CTNNA2: variants seen among roughly 807,000 people sequenced by gnomAD.
CTNNA2 encodes the protein catenin alpha 2.
CTNNA2 carries 42 observed loss-of-function variants against 101.0 expected under a neutral mutation model. The ratio of observed to expected loss-of-function variants is 0.42; its 90% CI spans 0.32 to 0.54. CTNNA2 has a LOEUF of 0.54. CTNNA2 is among the 20% of genes least tolerant of loss of function. CTNNA2 has a pLI of 0.14. For missense variants in CTNNA2, 871 were observed against 1,223.1 expected, an observed-to-expected ratio of 0.71 and a Z score of 4.29; for synonymous variants, 450 against 456.4, an observed-to-expected ratio of 0.99 and a Z score of 0.18.
At chr2:79,835,691 T>TTTG (rs1679304278) in intron 3 of CTNNA2, among the ~76,000 whole-genome samples, 1 of 135,334 alleles carries the variant, frequency 7.4e-6, no homozygotes, top group African/African-American at 2.9e-5. Context: ...TTTTTTTTTT[T>TTTG]TTTTTTTTTT....
chr2:80,151,780 G>T (rs375777204), intron 7 of CTNNA2, among the ~76,000 whole-genome samples: 2 of 152,300 alleles, frequency 1.3e-5, no homozygotes, highest in African/African-American at 4.8e-5. Flanking sequence ...AATGTTTCTG[G>T]CAAGGGTTGC....
At chr2:80,255,854 T>C (rs1213230076) in intron 7 of CTNNA2, among the ~76,000 whole-genome samples, 1 of 152,202 alleles carries the variant, frequency 6.6e-6, no homozygotes, top group East Asian at 1.9e-4. Context: ...GCTGTTGCCA[T>C]TGTCTTTTAG....
intron 1 of CTNNA2, among the ~76,000 whole-genome samples, chr2:79,197,394 C>T (rs145432993): frequency 1.7e-3 from 264 of 152,268 alleles, no homozygotes; most frequent in African/African-American, 6.1e-3. Flanking sequence ...GGTTGGACCT[C>T]AATTGGAAAC....
intron 4 of CTNNA2, among the ~76,000 whole-genome samples, chr2:79,858,937 C>T (rs892451): frequency 0.37 from 56,125 of 151,182 alleles, 10,943 homozygotes; most frequent in East Asian, 0.59. Context: ...ACGGGTCGTT[C>T]TTCCATTTTT....
Position 79,689,918 on chromosome 2 carries a change from A to C in CTNNA2, c.102+38260A>C, listed in dbSNP as rs77071665. On this transcript the variant is annotated intron_variant, in intron 2 of 18. Coordinates refer to ENST00000402739, the MANE Select transcript of CTNNA2 (RefSeq NM_001282597.3). ...TGAATTAACATTAATTTGTAGAATA[A>C]AACAGACAAAATGATGAAAATCCAG... Among the ~76,000 whole-genome samples, 68 of 152,164 alleles carry C rather than the reference A, an allele frequency of 4.5e-4. 3 individuals carry two copies. The East Asian group carries it at 0.012, about 28-fold the overall frequency.
chr2:79,842,849 A>G (rs1230629334), intron 3 of CTNNA2, among the ~76,000 whole-genome samples: 2 of 152,148 alleles, frequency 1.3e-5, no homozygotes, highest in Non-Finnish European at 2.9e-5. Context: ...ACATCATAGA[A>G]TTCAAAAGCA....
At chr2:80,121,421 T>G (rs1452842191) in intron 7 of CTNNA2, among the ~76,000 whole-genome samples, 1 of 152,184 alleles carries the variant, frequency 6.6e-6, no homozygotes, top group Non-Finnish European at 1.5e-5. Flanking sequence ...TTGAAAACAG[T>G]GTGGTATCAT....
At chr2:79,985,274 C>T (rs1558701108) in intron 7 of CTNNA2, among the ~76,000 whole-genome samples, 1 of 152,178 alleles carries the variant, frequency 6.6e-6, no homozygotes, top group Admixed American at 6.5e-5. Flanking sequence ...AGAATTCTTT[C>T]GATGGCACTG....
intron 7 of CTNNA2, among the ~76,000 whole-genome samples, chr2:79,949,974 T>C (rs1688768054): frequency 6.6e-6 from 1 of 152,064 alleles, no homozygotes; most frequent in African/African-American, 2.4e-5. Flanking sequence ...TTCCAGAGAG[T>C]AGATTCCTCT....
chr2:80,474,539 C>T (rs140547329), intron 9 of CTNNA2, among the ~76,000 whole-genome samples: 2 of 152,164 alleles, frequency 1.3e-5, no homozygotes, highest in African/African-American at 4.8e-5. Context: ...CCCATTCCAA[C>T]ATAGCTTATA....
chr2:79,687,875 A>G, intron 2 of CTNNA2: 2 of 354,102 alleles, frequency 5.6e-6, no homozygotes, highest in Non-Finnish European at 1.0e-5. Context: ...CCCGGAATAG[A>G]TAAGATATGA....
Position 80,636,860 on chromosome 2 carries a change from TA to T in CTNNA2, c.2575-10724del, listed in dbSNP as rs529609443. Among the ~76,000 whole-genome samples, 5 of 152,306 alleles carry T rather than the reference TA, an allele frequency of 3.3e-5. No homozygotes were observed. The East Asian group carries it at 9.7e-4, about 29-fold the overall frequency. ...TTAGATATTTTAGGTGTCACATTTT[TA>T]CATAAAATTCCTATGTTTTCTTGCA... is the stretch of plus-strand genomic sequence containing the variant. On this transcript the variant is annotated intron_variant, in intron 18 of 18. Coordinates refer to ENST00000402739, the MANE Select transcript of CTNNA2 (RefSeq NM_001282597.3).
chr2:80,245,620 C>A (rs911695781), intron 7 of CTNNA2, among the ~76,000 whole-genome samples: 11 of 151,754 alleles, frequency 7.2e-5, no homozygotes, highest in Admixed American at 2.0e-4. Flanking sequence ...ACATTCCTGC[C>A]CCTTCTCTAA....
chr2:79,640,033 C>T (rs922327515), intron 1 of CTNNA2, among the ~76,000 whole-genome samples: 3 of 151,916 alleles, frequency 2.0e-5, no homozygotes, highest in Non-Finnish European at 2.9e-5. Flanking sequence ...TTTTGAGTAA[C>T]GCCCAACACT....
chr2:80,299,431 C>T (rs1238340418), intron 7 of CTNNA2: 1 of 152,092 alleles, frequency 6.6e-6, no homozygotes, highest in African/African-American at 2.4e-5. Context: ...GCTAAATTCC[C>T]GTTTGTGTAG....
chr2:79,604,945 A>T (rs572518159), intron 1 of CTNNA2, among the ~76,000 whole-genome samples: 1 of 152,344 alleles, frequency 6.6e-6, no homozygotes, highest in Admixed American at 6.5e-5. Flanking sequence ...ACCAGAACCT[A>T]ACACAGCAGA....
At chr2:80,187,384 C>G (rs892922208) in intron 7 of CTNNA2, among the ~76,000 whole-genome samples, 2 of 152,176 alleles carry the variant, frequency 1.3e-5, no homozygotes, top group Non-Finnish European at 2.9e-5. Context: ...AGATAGTCAA[C>G]TAAATAGTAA....
At chr2:80,355,677 C>G (rs1234023738) in intron 7 of CTNNA2, among the ~76,000 whole-genome samples, 1 of 152,160 alleles carries the variant, frequency 6.6e-6, no homozygotes, top group Non-Finnish European at 1.5e-5. Flanking sequence ...AGGGAAAGAC[C>G]ATTTCTCATC....
intron 3 of CTNNA2, among the ~76,000 whole-genome samples, chr2:79,800,304 C>T (rs1438664620): frequency 6.6e-6 from 1 of 152,118 alleles, no homozygotes; most frequent in Non-Finnish European, 1.5e-5. Context: ...GTGCAAAACG[C>T]TAGCCCCTCA....
Sources: gnomAD v4.1 joint callset for allele counts (sites outside exome capture counted in the v4.1 genomes callset) on GRCh38, gnomAD v4.1.1 for gene constraint, MANE v1.5 for transcripts, NCBI Gene and HGNC (gene_info 2026-07-23, HGNC 2026-07-21) for gene names.